The following UMAD1 variants were observed in gnomAD, a reference collection of about 807,000 sequenced individuals.
UMAD1 encodes the protein UBAP1-MVB12-associated (UMA)-domain containing protein 1.
UMAD1 carries 8 observed loss-of-function variants against 6.1 expected under a neutral mutation model. That is an observed-to-expected ratio of 1.30 (90% CI 0.76 to 2.35). UMAD1 has a LOEUF of 2.35. Ranked by LOEUF, UMAD1 falls within the 30% of genes most tolerant of loss-of-function variation. The pLI is 0.00. For missense variants in UMAD1, 130 were observed against 78.4 expected, an observed-to-expected ratio of 1.66 and a Z score of -2.49; for synonymous variants, 56 against 31.4, an observed-to-expected ratio of 1.78 and a Z score of -2.61.
intron 3 of UMAD1, among the ~76,000 whole-genome samples, chr7:7,802,457 G>T (rs1373234544): frequency 6.6e-6 from 1 of 151,668 alleles, no homozygotes; most frequent in Non-Finnish European, 1.5e-5. Flanking sequence ...AAAGTATTCT[G>T]TAGAAAAACT....
At chr7:7,727,801 A>T (rs886610811) in intron 2 of UMAD1, among the ~76,000 whole-genome samples, 5 of 152,118 alleles carry the variant, frequency 3.3e-5, no homozygotes, top group Non-Finnish European at 1.5e-5. Context: ...TTGGGACTTG[A>T]ACTGGCTTCC....
chr7:7,777,449 T>G (rs1488645101), intron 2 of UMAD1, among the ~76,000 whole-genome samples: 1 of 144,592 alleles, frequency 6.9e-6, no homozygotes, highest in Non-Finnish European at 1.5e-5. Flanking sequence ...GTGGTTGCAG[T>G]GAGCTGAGAT....
At chr7:7,671,305 T>A (rs1405681539) in intron 1 of UMAD1, among the ~76,000 whole-genome samples, 1 of 152,216 alleles carries the variant, frequency 6.6e-6, no homozygotes, top group Admixed American at 6.5e-5. Flanking sequence ...CCCTCTTCTC[T>A]TTATTTATTT....
At chr7:7,653,837 G>C (rs1785281757) in intron 1 of UMAD1, among the ~76,000 whole-genome samples, 1 of 152,168 alleles carries the variant, frequency 6.6e-6, no homozygotes, top group Admixed American at 6.5e-5. Flanking sequence ...CACAGCTGGG[G>C]GATAGGAAGG....
rs34968724 is a variant in UMAD1, at chr7:7,685,314, C to CTT, written c.82+11874_82+11875dup. ...ATTATTATTGGGTTTACACATTGAT[C>CTT]TTTTTTTTTTTTTTGAGACGGAGTC... On this transcript the variant is annotated intron_variant, in intron 2 of 3. Transcript: ENST00000682710. Among the ~76,000 whole-genome samples, 140 of 143,708 alleles carry CTT rather than the reference C, an allele frequency of 9.7e-4. 2 individuals carry two copies. Among genetic ancestry groups the CTT allele is most frequent in the East Asian group, 6.5e-3 (32 of 4,914 alleles). 94.3% of individuals were successfully genotyped at this position (143,708 alleles called of 152,430 possible).
intron 3 of UMAD1, among the ~76,000 whole-genome samples, chr7:7,805,980 G>A (rs1782905781): frequency 6.6e-6 from 1 of 152,190 alleles, no homozygotes; most frequent in Non-Finnish European, 1.5e-5. Context: ...GTACACAGAA[G>A]TTACCCAATA....
chr7:7,791,021 C>T (rs1029244662), intron 2 of UMAD1, among the ~76,000 whole-genome samples: 1 of 152,152 alleles, frequency 6.6e-6, no homozygotes, highest in Non-Finnish European at 1.5e-5. Flanking sequence ...CCCCAAGTAG[C>T]TGGGACCAGA....
At chr7:7,703,198 C>T (rs1390811970) in intron 2 of UMAD1, among the ~76,000 whole-genome samples, 2 of 152,162 alleles carry the variant, frequency 1.3e-5, no homozygotes, top group Non-Finnish European at 2.9e-5. Context: ...TTAAAATCCA[C>T]TTGATGTTTG....
chr7:7,653,180 T>C (rs1785266689), intron 1 of UMAD1, among the ~76,000 whole-genome samples: 1 of 152,216 alleles, frequency 6.6e-6, no homozygotes, highest in Non-Finnish European at 1.5e-5. Flanking sequence ...CCAAATGAAG[T>C]TGCTTCAGAA....
intron 2 of UMAD1, among the ~76,000 whole-genome samples, chr7:7,677,341 T>C (rs1174917577): frequency 6.6e-6 from 1 of 152,156 alleles, no homozygotes; most frequent in African/African-American, 2.4e-5. Context: ...TACTAGATCT[T>C]ATTCCTTCTA....
At chr7:7,754,099 C>T (rs1032375897) in intron 2 of UMAD1, among the ~76,000 whole-genome samples, 2 of 152,034 alleles carry the variant, frequency 1.3e-5, no homozygotes, top group Non-Finnish European at 2.9e-5. Flanking sequence ...GCAGGAGAAT[C>T]GCTTGAACCT....
rs1053991002 is a variant in UMAD1 at position 7,673,357 on chromosome 7, G to A, written c.-15G>A. ...AGCAGCAGCAGCAGCAGCAGCAGCA[G>A]CAGCAGCAGCAGCAATGTTTCACTT... On this transcript the variant is annotated 5_prime_UTR_variant, in exon 2 of 4. Transcript: ENST00000682710. The A allele has an allele frequency of 7.1e-6, 9 of 1,272,740 alleles. 3 individuals are homozygous for A. Among genetic ancestry groups the A allele is most frequent in the Non-Finnish European group, 9.9e-6 (9 of 907,130 alleles). The allele number at this position is 1,272,740 out of a possible 1,614,324, so 78.8% of individuals were successfully genotyped here.
intron 1 of UMAD1, among the ~76,000 whole-genome samples, chr7:7,654,129 T>C (rs1403201756): frequency 6.6e-6 from 1 of 152,172 alleles, no homozygotes; most frequent in East Asian, 1.9e-4. Flanking sequence ...CATAGGACCA[T>C]AGGGCATTCA....
chr7:7,670,638 C>G (rs752515693), intron 1 of UMAD1, among the ~76,000 whole-genome samples: 1 of 152,196 alleles, frequency 6.6e-6, no homozygotes, highest in Non-Finnish European at 1.5e-5. Flanking sequence ...AGTTCAGTGC[C>G]TCTGGCTGAT....
chr7:7,822,847 T>C (rs146316060), intron 3 of UMAD1, among the ~76,000 whole-genome samples: 69 of 152,220 alleles, frequency 4.5e-4, no homozygotes, highest in African/African-American at 1.6e-3. Context: ...TTGGTTGTCT[T>C]CTCTGTCATT....
chr7:7,827,147 A>ATGTGTGTGTGTGTGTGTG (rs60211625), intron 3 of UMAD1, among the ~76,000 whole-genome samples: 15 of 134,192 alleles, frequency 1.1e-4, no homozygotes, highest in African/African-American at 4.4e-4. Context: ...ATATATATAT[A>ATGTGTGTGTGTGTGTGTG]TGTGTGTGTG....
At chr7:7,870,671 G>T (rs1180843050) in intron 3 of UMAD1, among the ~76,000 whole-genome samples, 1 of 152,150 alleles carries the variant, frequency 6.6e-6, no homozygotes, top group Non-Finnish European at 1.5e-5. Context: ...TAGGGTCCTT[G>T]AATTTTGACT....
At chr7:7,842,325 A>C (rs1443295896) in intron 3 of UMAD1, among the ~76,000 whole-genome samples, 3 of 152,142 alleles carry the variant, frequency 2.0e-5, no homozygotes, top group Non-Finnish European at 2.9e-5. Flanking sequence ...TCTACACATA[A>C]TGGTTTTTAT....
chr7:7,798,365 C>T (rs772769792), intron 2 of UMAD1, among the ~76,000 whole-genome samples: 19 of 152,288 alleles, frequency 1.2e-4, no homozygotes, highest in South Asian at 6.2e-4. Flanking sequence ...CAAAGAAAAT[C>T]GCATGGCTGT....
Sources: allele counts gnomAD v4.1 joint callset (sites outside exome capture counted in the v4.1 genomes callset), GRCh38; gene constraint gnomAD v4.1.1; transcripts MANE v1.5; gene names NCBI Gene and HGNC (gene_info 2026-07-23, HGNC 2026-07-21).